Variants in CDH20 observed in about 807,000 individuals in gnomAD.
The protein encoded by CDH20 is cadherin 20.
In CDH20, 29 loss-of-function variants were observed where a neutral mutation model predicts 74.2. The ratio of observed to expected loss-of-function variants is 0.39; its 90% CI spans 0.29 to 0.53. The LOEUF is 0.53. CDH20 is among the 20% of genes least tolerant of loss of function. The pLI, the probability that CDH20 is intolerant of heterozygous loss-of-function variation, is 0.69. For synonymous variants in CDH20, 469 were observed against 405.4 expected, an observed-to-expected ratio of 1.16 and a Z score of -1.88; for missense variants, 988 against 1,048.3, an observed-to-expected ratio of 0.94 and a Z score of 0.79.
chr18:61,505,244 G>T (rs1205103375), intron 5 of CDH20, among the ~76,000 whole-genome samples: 3 of 152,056 alleles, frequency 2.0e-5, no homozygotes, highest in Non-Finnish European at 4.4e-5. Flanking sequence ...ATATTGCCGG[G>T]AGTCATGTTA....
intron 1 of CDH20, among the ~76,000 whole-genome samples, chr18:61,364,457 C>A (rs145935272): frequency 9.8e-5 from 15 of 152,302 alleles, no homozygotes; most frequent in African/African-American, 2.9e-4. Flanking sequence ...GAATTACAGG[C>A]ATGCGCCACC....
chr18:61,388,769 A>G (rs572483263), intron 1 of CDH20, among the ~76,000 whole-genome samples: 3 of 152,214 alleles, frequency 2.0e-5, no homozygotes, highest in African/African-American at 7.2e-5. Flanking sequence ...CCCTGAACCA[A>G]CAGAAAGCCA....
chr18:61,552,148 C>A (rs1287817462), intron 11 of CDH20, among the ~76,000 whole-genome samples: 2 of 148,422 alleles, frequency 1.3e-5, no homozygotes, highest in African/African-American at 5.0e-5. Flanking sequence ...TTATAGACAA[C>A]TAAATAAATT....
chr18:61,394,605 A>G (rs1911899830), intron 1 of CDH20, among the ~76,000 whole-genome samples: 1 of 151,890 alleles, frequency 6.6e-6, no homozygotes, highest in Non-Finnish European at 1.5e-5. Context: ...TGGAATTCCA[A>G]CCTCCAGAAC....
chr18:61,492,687 C>A (rs1911001984), intron 2 of CDH20, among the ~76,000 whole-genome samples: 1 of 152,220 alleles, frequency 6.6e-6, no homozygotes, highest in South Asian at 2.1e-4. Flanking sequence ...CCCCTGGCTT[C>A]TCTCATGACT....
chr18:61,479,895 A>G (rs1182028821), intron 1 of CDH20, among the ~76,000 whole-genome samples: 2 of 152,126 alleles, frequency 1.3e-5, no homozygotes, highest in East Asian at 3.9e-4. Flanking sequence ...TAAGTTTACC[A>G]TTTTGCTAAA....
intron 6 of CDH20, among the ~76,000 whole-genome samples, chr18:61,512,571 AAT>A (rs1365316735): frequency 1.3e-5 from 2 of 152,090 alleles, no homozygotes; most frequent in African/African-American, 4.8e-5. Flanking sequence ...TTGTTTCACC[AAT>A]GTTAGATTCA....
At chr18:61,464,771 T>G (rs559107225) in intron 1 of CDH20, among the ~76,000 whole-genome samples, 26 of 152,284 alleles carry the variant, frequency 1.7e-4, no homozygotes, top group African/African-American at 6.3e-4. Flanking sequence ...AACATTAGCA[T>G]CACAGTGAAT....
intron 10 of CDH20, among the ~76,000 whole-genome samples, chr18:61,547,942 T>C (rs956064707): frequency 1.6e-4 from 25 of 152,358 alleles, no homozygotes; most frequent in Admixed American, 4.6e-4. Context: ...GTAGGTATAA[T>C]ACTTTTATGA....
At position 61,483,035 on chromosome 18, in the gene CDH20, T is replaced by C. The variant is rs559292545; in HGVS notation, c.-152-7367T>C. 3.9e-5 allele frequency among the ~76,000 whole-genome samples: 6 copies of C among 152,348 alleles called. No individual in the cohort carries two copies. In the South Asian group the frequency reaches 8.3e-4, roughly 21 times the overall value. The stretch of plus-strand genomic sequence containing the variant: ...GCATCTGCACCATGGTATCTGCGTT[T>C]TCTTTAACTGGGAATGCCCTTTTAT... On this transcript the variant is annotated intron_variant, in intron 1 of 11. Transcript: ENST00000262717.
At chr18:61,434,363 G>T (rs570440000) in intron 1 of CDH20, among the ~76,000 whole-genome samples, 1 of 152,156 alleles carries the variant, frequency 6.6e-6, no homozygotes, top group Non-Finnish European at 1.5e-5. Flanking sequence ...TTAGTGTACA[G>T]GTTATGTGGT....
At chr18:61,543,989 G>A (rs748228644) in intron 9 of CDH20, among the ~76,000 whole-genome samples, 5 of 152,208 alleles carry the variant, frequency 3.3e-5, no homozygotes, top group South Asian at 2.1e-4. Context: ...ACGGCTGGCC[G>A]TGGTGGAAGA....
chr18:61,453,665 T>C (rs574397794), intron 1 of CDH20, among the ~76,000 whole-genome samples: 4 of 152,358 alleles, frequency 2.6e-5, no homozygotes, highest in Admixed American at 2.0e-4. Context: ...TGCTGAGTAT[T>C]TTCTACTTTG....
intron 1 of CDH20, among the ~76,000 whole-genome samples, chr18:61,352,881 T>C (rs1306574475): frequency 6.6e-6 from 1 of 152,218 alleles, no homozygotes; most frequent in Non-Finnish European, 1.5e-5. Flanking sequence ...AAGTTCTCAT[T>C]GTTAGGGACT....
intron 1 of CDH20, among the ~76,000 whole-genome samples, chr18:61,382,923 G>A (rs1399565599): frequency 6.6e-6 from 1 of 152,196 alleles, no homozygotes; most frequent in Non-Finnish European, 1.5e-5. Flanking sequence ...GGCACAGATT[G>A]TGAACTCTGG....
intron 1 of CDH20, among the ~76,000 whole-genome samples, chr18:61,460,876 G>A (rs1480393849): frequency 1.3e-5 from 2 of 152,068 alleles, no homozygotes; most frequent in East Asian, 3.9e-4. Flanking sequence ...TTTCTTAAAA[G>A]TATTTATTTT....
At chr18:61,395,513 T>C (rs1191433059) in intron 1 of CDH20, among the ~76,000 whole-genome samples, 1 of 152,140 alleles carries the variant, frequency 6.6e-6, no homozygotes, top group Non-Finnish European at 1.5e-5. Context: ...TTGATCTCCT[T>C]ACCTCCAAAG....
At chr18:61,513,626 A>G (rs1568171915) in intron 6 of CDH20, among the ~76,000 whole-genome samples, 1 of 152,028 alleles carries the variant, frequency 6.6e-6, no homozygotes, top group Non-Finnish European at 1.5e-5. Context: ...ATGATTTTGC[A>G]GCGGCTGGTA....
intron 1 of CDH20, among the ~76,000 whole-genome samples, chr18:61,377,806 A>G (rs56922916): frequency 0.012 from 1,754 of 152,148 alleles, 29 homozygotes; most frequent in African/African-American, 0.04. Context: ...GAAATTATGT[A>G]TTGGATCTAT....
Sources: allele counts gnomAD v4.1 joint callset (sites outside exome capture counted in the v4.1 genomes callset), GRCh38; gene constraint gnomAD v4.1.1; transcripts MANE v1.5; gene names NCBI Gene and HGNC (gene_info 2026-07-23, HGNC 2026-07-21).